The following HPS3 variants were observed in gnomAD, a reference collection of about 807,000 sequenced individuals.
HPS3 encodes the protein BLOC-2 complex member HPS3.
A neutral mutation model predicts 110.9 loss-of-function variants in HPS3; 79 were observed. The ratio of observed to expected loss-of-function variants is 0.71; its 90% CI spans 0.59 to 0.86. The LOEUF is 0.86. Ranked by LOEUF, HPS3 falls within the 40% of genes least tolerant of loss-of-function variation. The pLI is 0.00. For synonymous variants in HPS3, 428 were observed against 451.0 expected (o/e 0.95, Z 0.65); for missense variants, 1,197 against 1,206.2 (o/e 0.99, Z 0.11).
At chr3:149,163,286 G>A (rs1012867464) in intron 13 of HPS3, among the ~76,000 whole-genome samples, 1 of 152,158 alleles carries the variant, frequency 6.6e-6, no homozygotes, top group Non-Finnish European at 1.5e-5. Context: ...CTGCCTTAGT[G>A]GGCCCCCATT....
chr3:149,169,233 AGAACTTTAG>A (rs1724741947), intron 16 of HPS3, among the ~76,000 whole-genome samples: 1 of 152,210 alleles, frequency 6.6e-6, no homozygotes, highest in Non-Finnish European at 1.5e-5. Flanking sequence ...AGACAGCTGA[AGAACTTTAG>A]GTTCGTTTCA....
At chr3:149,155,513 GATA>G (rs991603555) in intron 8 of HPS3, among the ~76,000 whole-genome samples, 1 of 152,066 alleles carries the variant, frequency 6.6e-6, no homozygotes, top group African/African-American at 2.4e-5. Context: ...CTCTAGCAAA[GATA>G]GCTAAGAAAT....
rs1199857067 is a variant in HPS3, at chr3:149,162,737, C to T, written c.2340C>T (p.Asp780=). 1 of 1,614,014 alleles carries T rather than the reference C, an allele frequency of 6.2e-7. No individual in the cohort carries two copies. The highest frequency in any genetic ancestry group is 8.5e-7 in the Non-Finnish European group (1 of 1,179,942). The change falls in exon 13 of 17, where the codon GAC becomes GAT. Residue 780 remains aspartate (D), a synonymous_variant. Transcript: ENST00000296051. ...DEDTIPQLLV[D]FWEAQLVACL... is the part of the protein sequence containing the mutation. ...ATACAATTCCTCAGCTCTTGGTAGA[C>T]TTTTGGGAAGCTCAGCTAGTGGCAT... is the stretch of plus-strand genomic sequence containing the variant.
intron 2 of HPS3, 131 bp downstream of exon 2, chr3:149,140,629 G>C: frequency 2.9e-6 from 3 of 1,019,534 alleles, no homozygotes; most frequent in Non-Finnish European, 4.4e-6. Flanking sequence ...CCTATTTCAT[G>C]GGATTTGGTT....
chr3:149,139,989 T>C lies in HPS3; in HGVS notation c.218-15T>C, dbSNP rs768759404. ...CTAATTACAAATTCTCAGTATAATC[T>C]TCATTCCTTCTCAGGAGATTATTTG... On this transcript the variant is annotated splice_polypyrimidine_tract_variant and intron_variant, in intron 1 of 16. Coordinates refer to ENST00000296051, the MANE Select transcript of HPS3 (RefSeq NM_032383.5). 1.9e-6 allele frequency: 3 copies of C among 1,610,104 alleles called. No individual in the cohort carries two copies. Among genetic ancestry groups the C allele is most frequent in the Non-Finnish European group, 2.5e-6 (3 of 1,176,622 alleles).
chr3:149,136,992 G>C (rs1722148836), intron 1 of HPS3, among the ~76,000 whole-genome samples: 1 of 152,120 alleles, frequency 6.6e-6, no homozygotes, highest in Admixed American at 6.5e-5. Context: ...CAAAGTTAAT[G>C]ACTGTTGTAT....
Position 149,150,613 on chromosome 3 carries a change from G to A in HPS3, c.1178G>A (p.Cys393Tyr). The stretch of plus-strand genomic sequence containing the variant: ...TTCCTCCTCAGTAACAACCTGCAGT[G>A]TTTCACTGTGCGGTGCAGTGCGGCG... ...LHVITSNNLQ[C>Y]FTVRCSAAAA... The change falls in exon 6 of 17, where the codon TGT (cysteine) becomes TAT (tyrosine). Residue 393 changes from cysteine to tyrosine, a missense_variant. By Grantham distance (194) the Cys-to-Tyr change is radical. Coordinates refer to ENST00000296051, the MANE Select transcript of HPS3 (RefSeq NM_032383.5). 1 of 1,614,074 alleles carries A rather than the reference G, an allele frequency of 6.2e-7. No individual in the cohort carries two copies. The highest frequency in any genetic ancestry group is 8.5e-7 in the Non-Finnish European group (1 of 1,179,956).
At chr3:149,170,194 G>C (rs1333631933) in intron 16 of HPS3, among the ~76,000 whole-genome samples, 2 of 152,128 alleles carry the variant, frequency 1.3e-5, no homozygotes, top group Admixed American at 6.5e-5. Flanking sequence ...GACCTTCTTG[G>C]AGTGATAACC....
rs1032531224 is a variant in HPS3 at position 149,140,869 on chromosome 3, G to A, written c.713-148G>A. 4.2e-6 allele frequency: 3 copies of A among 709,126 alleles called. No homozygotes were observed. In the African/African-American group the frequency reaches 5.4e-5, roughly 13 times the overall value. 43.9% of individuals were successfully genotyped at this position (709,126 alleles called of 1,614,324 possible). A position where few individuals can be genotyped will look rare whatever the true frequency, so the allele number is the denominator to read the frequency against. On this transcript the variant is annotated intron_variant, in intron 2 of 16. Transcript: ENST00000296051. ...TTTATCAGTTGTGGAGATTAAATGA[G>A]CAAGTGCTAAGTCTTTTCACAACCA...
At chr3:149,164,077 A>G in intron 14 of HPS3, 128 bp downstream of exon 14, 1 of 607,180 alleles carries the variant, frequency 1.6e-6, no homozygotes. Context: ...ATCCATAGTT[A>G]GGCATACTCA....
rs760179059 is a variant in HPS3 at position 149,172,076 on chromosome 3, G to C, written c.2888-19G>C. On this transcript the variant is annotated intron_variant, in intron 16 of 16. Transcript: ENST00000296051. ...AAGACAGACTTTCAATTCTAATTCA[G>C]ATATTCTTTTCTACACAGAAACATT... The C allele has an allele frequency of 2.5e-6, 4 of 1,610,540 alleles. No individual in the cohort carries two copies. In the African/African-American group the frequency reaches 4.0e-5, roughly 16 times the overall value.
Position 149,173,646 on chromosome 3 carries a change from A to G in HPS3, c.*1424A>G, listed in dbSNP as rs1004107120. ...ATTCCAAAGTAACATTCTATTTTAC[A>G]CTTTCACATACATTGTTATGAATCA... is the stretch of plus-strand genomic sequence containing the variant. On this transcript the variant is annotated 3_prime_UTR_variant, in exon 17 of 17. Transcript: ENST00000296051. 2.0e-6 allele frequency: 2 copies of G among 1,002,686 alleles called. No homozygotes were observed. Among genetic ancestry groups the G allele is most frequent in the East Asian group, 2.6e-5 (1 of 37,938 alleles). 62.1% of individuals were successfully genotyped at this position (1,002,686 alleles called of 1,614,324 possible).
chr3:149,131,243 G>C (rs1721752201), intron 1 of HPS3, among the ~76,000 whole-genome samples: 1 of 151,326 alleles, frequency 6.6e-6, no homozygotes, highest in African/African-American at 2.4e-5. Flanking sequence ...TGCTTATTTT[G>C]TCAAGTAAAG....
rs571764180 is a variant in HPS3, at chr3:149,158,024, T to TA, written c.1691+493_1691+494insA. On this transcript the variant is annotated intron_variant, in intron 9 of 16. Transcript: ENST00000296051. The stretch of plus-strand genomic sequence containing the variant: ...ATACTACCTTGTTAAACAGCTCTAA[T>TA]CATTAGAGAGGTATGACTAGTTTAT... 1.7e-3 allele frequency among the ~76,000 whole-genome samples: 257 copies of TA among 152,336 alleles called. 1 individual carries two copies. The highest frequency in any genetic ancestry group is 3.2e-3 in the Non-Finnish European group (215 of 68,024).
Position 149,172,869 on chromosome 3 carries a change from C to T in HPS3, c.*647C>T, listed in dbSNP as rs1725140581. On this transcript the variant is annotated 3_prime_UTR_variant, in exon 17 of 17. Transcript: ENST00000296051. ...TTTGTCAAATGCATGTTTTTTTCAG[C>T]CAAAGCCTTGTTTCCATTTTTGTTG... The T allele has an allele frequency of 6.7e-6, 1 of 150,340 alleles. No individual in the cohort carries two copies. The allele number at this position is 150,340 out of a possible 1,614,324, so 9.3% of individuals were successfully genotyped here. A position where few individuals can be genotyped will look rare whatever the true frequency, so the allele number is the denominator to read the frequency against.
intron 1 of HPS3, among the ~76,000 whole-genome samples, chr3:149,137,860 G>C (rs1218549970): frequency 6.6e-6 from 1 of 152,192 alleles, no homozygotes; most frequent in East Asian, 1.9e-4. Flanking sequence ...TTTTTTAGTA[G>C]ATGAAAAAGT....
At chr3:149,132,912 T>C (rs1037864058) in intron 1 of HPS3, among the ~76,000 whole-genome samples, 1 of 152,182 alleles carries the variant, frequency 6.6e-6, no homozygotes, top group Non-Finnish European at 1.5e-5. Flanking sequence ...GTGGATGAAA[T>C]AACAGTAGAT....
Position 149,140,417 on chromosome 3 carries a change from CTG to C in HPS3, c.632_633del (p.Leu211ArgfsTer5), listed in dbSNP as rs1157897352. On this transcript the variant is annotated frameshift_variant, in exon 2 of 17. Coordinates refer to ENST00000296051, the MANE Select transcript of HPS3 (RefSeq NM_032383.5). LOFTEE classifies it high-confidence loss of function. ...MSDLEVLIVK[L>X]ESGPKNGERV... is the part of the protein sequence containing the mutation. ...AGACTTAGAAGTCTTAATCGTAAAACTGGAGTCAGGCCCTAAAAATGGAGAGA... is the reference window on the plus strand; with the variant it reads ...AGACTTAGAAGTCTTAATCGTAAAACGAGTCAGGCCCTAAAAATGGAGAGA... The C allele has an allele frequency of 6.2e-7, 1 of 1,611,694 alleles. No homozygotes were observed.
In HPS3 at chr3:149,172,317, A is replaced by ATCTC. The variant is rs1553756780; in HGVS notation, c.*97_*98insTCTC. On this transcript the variant is annotated 3_prime_UTR_variant, in exon 17 of 17. Coordinates refer to ENST00000296051, the MANE Select transcript of HPS3 (RefSeq NM_032383.5). ...AGTAGAGGAGTTTTTTATTTTATATATCACACACACACACACACACACACA... is the reference window on the plus strand; with the variant it reads ...AGTAGAGGAGTTTTTTATTTTATATATCTCTCACACACACACACACACACACACA... 6 of 640,892 alleles carry ATCTC rather than the reference A, an allele frequency of 9.4e-6. No individual in the cohort carries two copies. The highest frequency in any genetic ancestry group is 1.3e-5 in the Non-Finnish European group (5 of 381,780). The allele number at this position is 640,892 out of a possible 1,614,324, so 39.7% of individuals were successfully genotyped here.
Sources: allele counts gnomAD v4.1 joint callset (sites outside exome capture counted in the v4.1 genomes callset), GRCh38; gene constraint gnomAD v4.1.1; transcripts MANE v1.5; gene names NCBI Gene and HGNC (gene_info 2026-07-23, HGNC 2026-07-21).